The following LRRC4C variants were observed in gnomAD, a reference collection of about 807,000 sequenced individuals.
The protein encoded by LRRC4C is leucine rich repeat containing 4C.
LRRC4C carries 5 observed loss-of-function variants against 33.6 expected under a neutral mutation model. That is an observed-to-expected ratio of 0.15 (90% CI 0.08 to 0.31). The LOEUF (loss-of-function observed/expected upper bound fraction) is 0.31, where lower values mean the gene tolerates loss of function less well. LRRC4C is among the 10% of genes least tolerant of loss of function. The pLI, the probability that LRRC4C is intolerant of heterozygous loss-of-function variation, is 1.00. For synonymous variants in LRRC4C, 329 were observed against 302.0 expected, an observed-to-expected ratio of 1.09 and a Z score of -0.93; for missense variants, 560 against 796.7, an observed-to-expected ratio of 0.70 and a Z score of 3.58.
intron 3 of LRRC4C, among the ~76,000 whole-genome samples, chr11:40,469,320 C>G (rs907397491): frequency 6.6e-6 from 1 of 152,144 alleles, no homozygotes; most frequent in Non-Finnish European, 1.5e-5. Context: ...CCATGAGGGA[C>G]CATGCCGTGA....
intron 1 of LRRC4C, among the ~76,000 whole-genome samples, chr11:41,264,157 T>C (rs944568318): frequency 1.3e-5 from 2 of 150,102 alleles, no homozygotes; most frequent in Admixed American, 6.7e-5. Context: ...AGTGGCTCAA[T>C]CTTGGCTCAC....
At chr11:40,974,585 A>G (rs1249864827) in intron 1 of LRRC4C, among the ~76,000 whole-genome samples, 2 of 152,226 alleles carry the variant, frequency 1.3e-5, no homozygotes, top group African/African-American at 2.4e-5. Context: ...TGTCAATATT[A>G]TAAGTGTGAT....
rs1256581634 is a variant in LRRC4C, at chr11:40,532,378, AAAT to A, written c.-270+115761_-270+115763del. On this transcript the variant is annotated intron_variant, in intron 3 of 6. Transcript: ENST00000528697. ...GTGCATTCAACTTCTAAGGGCATTC[AAAT>A]AATAATAATTATTATTATTGTAAAT... is the stretch of plus-strand genomic sequence containing the variant. 2.0e-5 allele frequency among the ~76,000 whole-genome samples: 3 copies of A among 151,962 alleles called. 1 individual carries two copies. Among genetic ancestry groups the A allele is most frequent in the Admixed American group, 1.3e-4 (2 of 15,228 alleles).
intron 1 of LRRC4C, among the ~76,000 whole-genome samples, chr11:41,022,994 A>G (rs1317667517): frequency 6.6e-6 from 1 of 151,974 alleles, no homozygotes; most frequent in African/African-American, 2.4e-5. Flanking sequence ...GTAAAAATCC[A>G]GAAGGAGATG....
intron 3 of LRRC4C, among the ~76,000 whole-genome samples, chr11:40,434,624 A>G (rs1235867179): frequency 6.6e-6 from 1 of 151,116 alleles, no homozygotes; most frequent in Admixed American, 6.6e-5. Flanking sequence ...AGGTGGGGAA[A>G]AAATGCCAGA....
At chr11:41,385,305 T>A (rs1003760260) in intron 1 of LRRC4C, among the ~76,000 whole-genome samples, 2 of 151,602 alleles carry the variant, frequency 1.3e-5, no homozygotes, top group African/African-American at 4.8e-5. Context: ...CAGAATATAC[T>A]CTTGTATTTC....
intron 1 of LRRC4C, among the ~76,000 whole-genome samples, chr11:41,334,332 C>G (rs2137401805): frequency 6.6e-6 from 1 of 152,256 alleles, no homozygotes; most frequent in Admixed American, 6.5e-5. Flanking sequence ...GTTTTCTATT[C>G]CAGTCAGTGT....
intron 1 of LRRC4C, among the ~76,000 whole-genome samples, chr11:41,448,121 T>TG (rs202188700): frequency 8.5e-5 from 11 of 130,138 alleles, no homozygotes; most frequent in Non-Finnish European, 1.4e-4. Context: ...TGCACACGTC[T>TG]GTTTTTTTTT....
intron 3 of LRRC4C, among the ~76,000 whole-genome samples, chr11:40,646,855 C>A (rs1338559266): frequency 1.3e-5 from 2 of 152,178 alleles, no homozygotes; most frequent in Non-Finnish European, 1.5e-5. Context: ...ATCCGCCCAC[C>A]TCGGCCTCCC....
Position 40,696,663 on chromosome 11 carries a change from C to T in LRRC4C, c.-406-48385G>A, listed in dbSNP as rs546028718. Among the ~76,000 whole-genome samples, 25 of 147,400 alleles carry T rather than the reference C, an allele frequency of 1.7e-4. 1 individual carries two copies. In the South Asian group the frequency reaches 5.3e-3, roughly 31 times the overall value. ...AGTCTGTTTTAAGGAGAAAACATAC[C>T]CCCAGCAGCCAATAAAACACAGGCA... On this transcript the variant is annotated intron_variant, in intron 2 of 6. Coordinates refer to ENST00000528697, the MANE Select transcript of LRRC4C (RefSeq NM_001258419.2).
At chr11:41,300,844 C>A (rs1950264282) in intron 1 of LRRC4C, among the ~76,000 whole-genome samples, 1 of 152,092 alleles carries the variant, frequency 6.6e-6, no homozygotes, top group African/African-American at 2.4e-5. Context: ...TTTAACATTT[C>A]ATGTAAAATA....
At chr11:41,263,165 T>A (rs916937453) in intron 1 of LRRC4C, among the ~76,000 whole-genome samples, 4 of 152,156 alleles carry the variant, frequency 2.6e-5, no homozygotes, top group African/African-American at 9.6e-5. Flanking sequence ...AACTGTTGGT[T>A]TGAAAATAAT....
intron 3 of LRRC4C, among the ~76,000 whole-genome samples, chr11:40,341,670 T>C (rs1211817634): frequency 1.3e-5 from 2 of 152,174 alleles, no homozygotes; most frequent in African/African-American, 4.8e-5. Context: ...ACATGAACCC[T>C]AAAACTTAAA....
intron 1 of LRRC4C, among the ~76,000 whole-genome samples, chr11:41,059,427 A>G (rs985001589): frequency 6.6e-6 from 1 of 152,106 alleles, no homozygotes; most frequent in Non-Finnish European, 1.5e-5. Context: ...GATGGCTGAT[A>G]GATCAAAATT....
At chr11:41,336,865 C>T (rs955467701) in intron 1 of LRRC4C, among the ~76,000 whole-genome samples, 1 of 151,878 alleles carries the variant, frequency 6.6e-6, no homozygotes, top group African/African-American at 2.4e-5. Context: ...TGCATGGACA[C>T]CATCTCATTT....
At chr11:40,949,718 A>G (rs1399486465) in intron 1 of LRRC4C, among the ~76,000 whole-genome samples, 22 of 151,960 alleles carry the variant, frequency 1.4e-4, no homozygotes, top group Non-Finnish European at 8.8e-5. Context: ...TGAAGGAAGC[A>G]CTAAACATGG....
intron 3 of LRRC4C, among the ~76,000 whole-genome samples, chr11:40,612,796 C>T (rs1961365864): frequency 6.6e-6 from 1 of 151,764 alleles, no homozygotes; most frequent in Non-Finnish European, 1.5e-5. Context: ...TTAATACAGG[C>T]ATACCTCAGA....
At chr11:41,408,760 A>AAAAAAACAAACAAAC (rs1555167152) in intron 1 of LRRC4C, among the ~76,000 whole-genome samples, 1 of 151,256 alleles carries the variant, frequency 6.6e-6, no homozygotes, top group African/African-American at 2.5e-5. Context: ...AAAAAAAAAA[A>AAAAAAACAAACAAAC]AAAAAAACTG....
At chr11:40,780,166 T>C (rs1316727433) in intron 2 of LRRC4C, among the ~76,000 whole-genome samples, 1 of 152,186 alleles carries the variant, frequency 6.6e-6, no homozygotes, top group Non-Finnish European at 1.5e-5. Flanking sequence ...ACCTTGAGTA[T>C]TCTTTGGTAA....
Sources: gnomAD v4.1 joint callset for allele counts (sites outside exome capture counted in the v4.1 genomes callset) on GRCh38, gnomAD v4.1.1 for gene constraint, MANE v1.5 for transcripts, NCBI Gene and HGNC (gene_info 2026-07-23, HGNC 2026-07-21) for gene names.